TENT4B: variants seen among roughly 807,000 people sequenced by gnomAD.
TENT4B encodes the protein PAP associated domain containing 5.
TENT4B carries 10 observed loss-of-function variants against 75.0 expected under a neutral mutation model. The observed-to-expected ratio is 0.13, with a 90% CI of 0.08 to 0.23. The LOEUF is 0.23. Among genes scored for constraint, TENT4B ranks in the 10% least tolerant of loss-of-function variants. The pLI is 1.00. For missense variants in TENT4B, 579 were observed against 893.8 expected (o/e 0.65, Z 4.49); for synonymous variants, 350 against 357.7 (o/e 0.98, Z 0.24).
At chr16:50,212,036 G>T (rs2031305447) in intron 2 of TENT4B, among the ~76,000 whole-genome samples, 1 of 152,060 alleles carries the variant, frequency 6.6e-6, no homozygotes, top group Non-Finnish European at 1.5e-5. Flanking sequence ...TGGCTTATTT[G>T]TCGTTTTTGT....
Position 50,222,732 on chromosome 16 carries a change from T to G in TENT4B, c.1167+298T>G, listed in dbSNP as rs1400401874. 2.0e-5 allele frequency among the ~76,000 whole-genome samples: 3 copies of G among 152,226 alleles called. No individual in the cohort carries two copies. In the East Asian group the frequency reaches 5.8e-4, roughly 29 times the overall value. On this transcript the variant is annotated intron_variant, in intron 6 of 11. Coordinates refer to ENST00000561678, the MANE Select transcript of TENT4B (RefSeq NM_001365324.3). ...CTGGTTTCCATAAGCATAAATAGTA[T>G]AAATGCCAACAATAAGAATGTCTTC...
At chr16:50,207,637 G>A (rs1324264512) in intron 1 of TENT4B, among the ~76,000 whole-genome samples, 1 of 152,148 alleles carries the variant, frequency 6.6e-6, no homozygotes, top group African/African-American at 2.4e-5. Context: ...ATGAGAAACT[G>A]TAACAATGGG....
At position 50,233,428 on chromosome 16, in the gene TENT4B, T is replaced by G; in HGVS notation, c.*4100T>G. ...GAAGTTATTTACATGATTTGAAAAC[T>G]TGACCTAACTGGAAGCCTTTTTCTC... On this transcript the variant is annotated 3_prime_UTR_variant, in exon 12 of 12. Transcript: ENST00000561678. 2.0e-6 allele frequency: 2 copies of G among 985,444 alleles called. No homozygotes were observed. Among genetic ancestry groups the G allele is most frequent in the Non-Finnish European group, 2.4e-6 (2 of 829,930 alleles). The allele number at this position is 985,444 out of a possible 1,614,324, so 61.0% of individuals were successfully genotyped here. A position where few individuals can be genotyped will look rare whatever the true frequency, so the allele number is the denominator to read the frequency against.
chr16:50,178,463 A>C (rs1190789965), intron 1 of TENT4B, among the ~76,000 whole-genome samples: 1 of 152,054 alleles, frequency 6.6e-6, no homozygotes, highest in African/African-American at 2.4e-5. Context: ...AGAAAAAAAA[A>C]GTTGATGACA....
chr16:50,176,444 T>C (rs961082030), intron 1 of TENT4B, among the ~76,000 whole-genome samples: 4 of 150,490 alleles, frequency 2.7e-5, no homozygotes, highest in Non-Finnish European at 4.4e-5. Context: ...AGTGGACATA[T>C]GTAGATCCAA....
intron 1 of TENT4B, among the ~76,000 whole-genome samples, chr16:50,157,428 T>C (rs1439161984): frequency 6.6e-6 from 1 of 152,208 alleles, no homozygotes; most frequent in Non-Finnish European, 1.5e-5. Context: ...CTCTTACACA[T>C]GACATGGACA....
chr16:50,222,920 A>G (rs976028578), intron 6 of TENT4B, among the ~76,000 whole-genome samples: 1 of 152,168 alleles, frequency 6.6e-6, no homozygotes, highest in Non-Finnish European at 1.5e-5. Flanking sequence ...TGTTGGGCCA[A>G]GCCAGCCCTG....
At chr16:50,208,828 G>A (rs539099325) in intron 1 of TENT4B, among the ~76,000 whole-genome samples, 1 of 152,194 alleles carries the variant, frequency 6.6e-6, no homozygotes, top group Non-Finnish European at 1.5e-5. Context: ...CACCTCCCAA[G>A]TTGAAGTGAT....
At chr16:50,171,994 T>G (rs939036295) in intron 1 of TENT4B, among the ~76,000 whole-genome samples, 5 of 151,626 alleles carry the variant, frequency 3.3e-5, no homozygotes, top group African/African-American at 1.2e-4. Flanking sequence ...GAGCCAAGAT[T>G]GCACCACCAC....
chr16:50,209,519 A>G (rs1215698320), intron 1 of TENT4B, among the ~76,000 whole-genome samples: 1 of 152,246 alleles, frequency 6.6e-6, no homozygotes, highest in Non-Finnish European at 1.5e-5. Context: ...CCACTGGGAT[A>G]TCTTCTGGAT....
chr16:50,161,285 TTGA>T (rs1272945484), intron 1 of TENT4B, among the ~76,000 whole-genome samples: 4 of 152,360 alleles, frequency 2.6e-5, no homozygotes, highest in South Asian at 2.1e-4. Flanking sequence ...GATAAGTTAC[TTGA>T]TGATGTAAAA....
chr16:50,223,128 A>G (rs773011580), intron 6 of TENT4B, 46 bp from the exon 7 acceptor site: 4 of 1,433,738 alleles, frequency 2.8e-6, no homozygotes, highest in Non-Finnish European at 3.8e-6. Flanking sequence ...CCTCTCCTTG[A>G]TAATTTAGCA....
At chr16:50,216,370 A>G (rs575140481) in intron 4 of TENT4B, among the ~76,000 whole-genome samples, 175 bp downstream of exon 4, 54 of 152,354 alleles carry the variant, frequency 3.5e-4, no homozygotes, top group African/African-American at 1.2e-3. Context: ...GAGTGTGACC[A>G]TACAATCTCG....
At chr16:50,191,569 C>T (rs1294965738) in intron 1 of TENT4B, among the ~76,000 whole-genome samples, 3 of 152,140 alleles carry the variant, frequency 2.0e-5, no homozygotes, top group Admixed American at 6.5e-5. Context: ...CCACCATGCC[C>T]AGCCCAAATT....
Position 50,233,455 on chromosome 16 carries a change from G to C in TENT4B, c.*4127G>C. 1.0e-6 allele frequency: 1 copy of C among 984,654 alleles called. No individual in the cohort carries two copies. Among genetic ancestry groups the C allele is most frequent in the Non-Finnish European group, 1.2e-6 (1 of 829,840 alleles). 61.0% of individuals were successfully genotyped at this position (984,654 alleles called of 1,614,324 possible). Reference sequence around the variant, plus strand: ...GACCTAACTGGAAGCCTTTTTCTCAGTCATCTTGTTCTAAGCCATCTTGAC... The same window carrying C: ...GACCTAACTGGAAGCCTTTTTCTCACTCATCTTGTTCTAAGCCATCTTGAC... On this transcript the variant is annotated 3_prime_UTR_variant, in exon 12 of 12. Transcript: ENST00000561678.
At chr16:50,210,350 C>T (rs1055754545) in intron 1 of TENT4B, among the ~76,000 whole-genome samples, 1 of 152,226 alleles carries the variant, frequency 6.6e-6, no homozygotes, top group Non-Finnish European at 1.5e-5. Context: ...TAGTTTTCCC[C>T]CAGTCCCTCA....
intron 1 of TENT4B, among the ~76,000 whole-genome samples, chr16:50,208,235 A>AT (rs1438084494): frequency 6.6e-6 from 1 of 152,080 alleles, no homozygotes; most frequent in Non-Finnish European, 1.5e-5. Context: ...CTGTGGAACC[A>AT]TTTTTTCTAA....
intron 1 of TENT4B, among the ~76,000 whole-genome samples, chr16:50,155,983 C>T (rs1255229238): frequency 6.6e-6 from 1 of 152,040 alleles, no homozygotes; most frequent in Non-Finnish European, 1.5e-5. Context: ...GTCCTCTCCT[C>T]TACTTGCTAT....
intron 1 of TENT4B, among the ~76,000 whole-genome samples, chr16:50,180,552 C>A (rs2038393864): frequency 6.6e-6 from 1 of 152,052 alleles, no homozygotes; most frequent in African/African-American, 2.4e-5. Flanking sequence ...ACTAAAAATA[C>A]AAAAAAATTA....
Sources: gnomAD v4.1 joint callset for allele counts (sites outside exome capture counted in the v4.1 genomes callset) on GRCh38, gnomAD v4.1.1 for gene constraint, MANE v1.5 for transcripts, NCBI Gene and HGNC (gene_info 2026-07-23, HGNC 2026-07-21) for gene names.